The following CCDC33 variants were observed in gnomAD, a reference collection of about 807,000 sequenced individuals.
CCDC33 encodes coiled-coil domain containing 33, also known as coiled-coil domain-containing protein 33.
CCDC33 carries 94 observed loss-of-function variants against 91.9 expected under a neutral mutation model. The ratio of observed to expected loss-of-function variants is 1.02; its 90% confidence interval spans 0.87 to 1.21. The LOEUF (loss-of-function observed/expected upper bound fraction) is 1.21, where lower values mean the gene tolerates loss of function less well. Among genes scored for constraint, CCDC33 ranks in the 50% most tolerant of loss-of-function variants. The pLI is 0.00. For missense variants in CCDC33, 940 were observed against 935.5 expected, an observed-to-expected ratio of 1.00 and a Z score of -0.06; for synonymous variants, 396 against 374.5, an observed-to-expected ratio of 1.06 and a Z score of -0.66.
chr15:74,281,280 C>T (rs1446399318), intron 9 of CCDC33, among the ~76,000 whole-genome samples: 38 of 152,222 alleles, frequency 2.5e-4, no homozygotes, highest in Admixed American at 2.5e-3. Context: ...ATTCTGGTTC[C>T]ACCACATACC....
chr15:74,226,058 ATCATTCAT>A (rs141418576), intron 2 of CCDC33, among the ~76,000 whole-genome samples: 35 of 152,182 alleles, frequency 2.3e-4, no homozygotes, highest in Non-Finnish European at 2.9e-5. Flanking sequence ...TGAGGTGATG[ATCATTCAT>A]TCATTCATTC....
chr15:74,320,194 C>T (rs1429340143), intron 11 of CCDC33, among the ~76,000 whole-genome samples: 1 of 152,136 alleles, frequency 6.6e-6, no homozygotes, highest in Non-Finnish European at 1.5e-5. Flanking sequence ...GCAGAGCTTC[C>T]GGGCCTGGCT....
exon 1 of CCDC33, chr15:74,203,019 C>T: frequency 1.0e-6 from 1 of 986,084 alleles, no homozygotes; most frequent in Non-Finnish European, 1.2e-6. Context: ...TCAGCGCCTG[C>T]CCCAGAGCTC....
chr15:74,256,349 T>G (rs2075861811), intron 2 of CCDC33, among the ~76,000 whole-genome samples: 1 of 152,178 alleles, frequency 6.6e-6, no homozygotes, highest in Non-Finnish European at 1.5e-5. Flanking sequence ...TCCGGTGATT[T>G]CTGTGAGGTC....
intron 3 of CCDC33, among the ~76,000 whole-genome samples, chr15:74,264,199 G>C (rs1437569684): frequency 6.6e-6 from 1 of 152,000 alleles, no homozygotes; most frequent in Admixed American, 6.5e-5. Context: ...TGTCTGCGGT[G>C]GGGGTGGGGG....
At chr15:74,311,631 G>A (rs1567023251) in intron 11 of CCDC33, 1 of 152,172 alleles carries the variant, frequency 6.6e-6, no homozygotes, top group Non-Finnish European at 1.5e-5. Context: ...GCTGGTGTTA[G>A]GGGATTTGGG....
intron 2 of CCDC33, among the ~76,000 whole-genome samples, chr15:74,220,747 A>G (rs1405459660): frequency 6.6e-6 from 1 of 152,194 alleles, no homozygotes; most frequent in East Asian, 1.9e-4. Context: ...TTCAAGGGAG[A>G]GGAAAATCGC....
At chr15:74,308,170 G>A (rs576765150) in intron 11 of CCDC33, among the ~76,000 whole-genome samples, 3 of 152,292 alleles carry the variant, frequency 2.0e-5, no homozygotes, top group South Asian at 2.1e-4. Flanking sequence ...TTCAACCCAC[G>A]GGGCCCAGGG....
chr15:74,270,503 G>C (rs1566985901), intron 5 of CCDC33, among the ~76,000 whole-genome samples: 1 of 152,166 alleles, frequency 6.6e-6, no homozygotes. Context: ...TTTAACAAGA[G>C]CACTTTTGCC....
intron 11 of CCDC33, among the ~76,000 whole-genome samples, chr15:74,310,583 G>A (rs1440568523): frequency 1.3e-5 from 2 of 152,228 alleles, no homozygotes; most frequent in South Asian, 2.1e-4. Flanking sequence ...CGACTCTGAG[G>A]GGCCTGAGGT....
intron 2 of CCDC33, among the ~76,000 whole-genome samples, chr15:74,223,029 T>G (rs1486117163): frequency 6.6e-6 from 1 of 151,936 alleles, no homozygotes; most frequent in Non-Finnish European, 1.5e-5. Context: ...AGGCACATGA[T>G]GTGGATTTCA....
upstream of CCDC33, among the ~76,000 whole-genome samples, chr15:74,232,302 A>G (rs192762947): frequency 1.1e-3 from 170 of 152,290 alleles, 1 homozygote; most frequent in Admixed American, 1.0e-2. Flanking sequence ...GGAGTTTAAT[A>G]AAGGGACTAT....
chr15:74,251,984 TATA>T (rs988957186), intron 2 of CCDC33, among the ~76,000 whole-genome samples: 5 of 152,106 alleles, frequency 3.3e-5, no homozygotes, highest in African/African-American at 1.2e-4. Flanking sequence ...ATAATTGAGG[TATA>T]ATATTATCAT....
chr15:74,280,855 G>T, intron 9 of CCDC33, 54 bp downstream of exon 9: 4 of 1,383,224 alleles, frequency 2.9e-6, no homozygotes, highest in Non-Finnish European at 3.8e-6. Flanking sequence ...GCCCCACCCT[G>T]CCTCACCCTG....
chr15:74,217,128 T>C, upstream of CCDC33: 2 of 457,134 alleles, frequency 4.4e-6, no homozygotes, highest in Non-Finnish European at 6.7e-6. Context: ...CTTCCTGCCT[T>C]GTTACCTGGT....
intron 11 of CCDC33, among the ~76,000 whole-genome samples, chr15:74,327,117 C>G (rs1380895814): frequency 6.6e-6 from 1 of 152,086 alleles, no homozygotes; most frequent in Non-Finnish European, 1.5e-5. Flanking sequence ...AGATCCCTCT[C>G]CATGCCCTGG....
At chr15:74,211,389 C>G (rs1342016860) in intron 2 of CCDC33, among the ~76,000 whole-genome samples, 1 of 146,846 alleles carries the variant, frequency 6.8e-6, no homozygotes, top group East Asian at 2.0e-4. Flanking sequence ...ATATCTGCCC[C>G]TGGCTTTTTT....
chr15:74,298,183 A>C (rs185840217), intron 11 of CCDC33, among the ~76,000 whole-genome samples: 2 of 152,152 alleles, frequency 1.3e-5, no homozygotes, highest in African/African-American at 4.8e-5. Flanking sequence ...AATACCATGG[A>C]TTTGTCTGTG....
At chr15:74,261,769 T>G (rs2076030835) in intron 2 of CCDC33, among the ~76,000 whole-genome samples, 1 of 152,212 alleles carries the variant, frequency 6.6e-6, no homozygotes, top group Non-Finnish European at 1.5e-5. Flanking sequence ...TTATACAGCC[T>G]GGTCCTGAAC....
Sources: gnomAD v4.1 joint callset for allele counts (sites outside exome capture counted in the v4.1 genomes callset) on GRCh38, gnomAD v4.1.1 for gene constraint, MANE v1.5 for transcripts, NCBI Gene and HGNC (gene_info 2026-07-23, HGNC 2026-07-21) for gene names.